Variants in SLC35E1 observed in about 807,000 individuals in gnomAD.
The protein encoded by SLC35E1 is solute carrier family 35 member E1, also known as solute carrier family 35, member E1.
SLC35E1 carries 12 observed loss-of-function variants against 31.0 expected under a neutral mutation model. The observed-to-expected ratio is 0.39, with a 90% CI of 0.25 to 0.63. SLC35E1 has a LOEUF of 0.63. Among genes scored for constraint, SLC35E1 ranks in the 20% least tolerant of loss-of-function variants. SLC35E1 has a pLI of 0.52. For synonymous variants in SLC35E1, 257 were observed against 264.1 expected, an observed-to-expected ratio of 0.97 and a Z score of 0.26; for missense variants, 429 against 572.2, an observed-to-expected ratio of 0.75 and a Z score of 2.55.
chr19:16,568,020 G>A lies in SLC35E1; in HGVS notation c.630+12C>T. On this transcript the variant is annotated intron_variant, in intron 3 of 5. Transcript: ENST00000595753. ...GAAACCCCATGCATGTCCGCTGATG[G>A]TGACCAAATACCTTTTTGGAGAAAA... The A allele has an allele frequency of 6.2e-7, 1 of 1,602,082 alleles. No individual in the cohort carries two copies. The highest frequency in any genetic ancestry group is 8.5e-7 in the Non-Finnish European group (1 of 1,173,348).
chr19:16,565,625 C>A (rs984878641), intron 4 of SLC35E1: 2 of 154,774 alleles, frequency 1.3e-5, no homozygotes, highest in African/African-American at 4.8e-5. Context: ...TCAAGCAATT[C>A]TTCTGCCTCA....
intron 4 of SLC35E1, chr19:16,565,798 G>C: frequency 6.8e-6 from 1 of 147,400 alleles, no homozygotes. Context: ...TTACAGGCGT[G>C]AGCCACTGCG....
chr19:16,566,413 C>T (rs756674963), intron 4 of SLC35E1, 119 bp downstream of exon 4: 15 of 1,394,610 alleles, frequency 1.1e-5, no homozygotes, highest in Non-Finnish European at 1.3e-5. Flanking sequence ...GCTGAAAGCG[C>T]TGGCTGTCAG....
At position 16,568,107 on chromosome 19, in the gene SLC35E1, A is replaced by G. The variant is rs779441196; in HGVS notation, c.555T>C (p.Ser185=). ...CGCTGACGAGTCCCCACATGTCAAA[A>G]GACAACTCGGTGACGGTGGCCAGCA... is the stretch of plus-strand genomic sequence containing the variant. ...GVLLATVTEL[S]FDMWGLVSAL... Residue 185 remains serine (S), a synonymous_variant, in exon 3 of 6, where the codon TCT becomes TCC. Transcript: ENST00000595753. The G allele has an allele frequency of 5.6e-6, 9 of 1,613,864 alleles. No individual in the cohort carries two copies. The African/African-American group carries it at 1.1e-4, about 19-fold the overall frequency.
At chr19:16,556,355 A>G (rs544184389) in intron 4 of SLC35E1, among the ~76,000 whole-genome samples, 1 of 152,102 alleles carries the variant, frequency 6.6e-6, no homozygotes, top group Non-Finnish European at 1.5e-5. Flanking sequence ...AAAAAAAAAA[A>G]AAAATTAGCC....
chr19:16,571,815 C>A, intron 1 of SLC35E1, 129 bp downstream of exon 1: 1 of 1,079,268 alleles, frequency 9.3e-7, no homozygotes, highest in East Asian at 2.6e-5. Context: ...CCCTACCAAA[C>A]CCTTGGCAGC....
chr19:16,553,990 T>G, intron 5 of SLC35E1, 81 bp from the exon 6 acceptor site: 4 of 1,291,474 alleles, frequency 3.1e-6, no homozygotes, highest in Non-Finnish European at 3.1e-6. Context: ...ACTGGCTGGC[T>G]GCGGTGGCTC....
chr19:16,570,344 TA>T (rs932722022), intron 2 of SLC35E1, among the ~76,000 whole-genome samples: 2 of 151,256 alleles, frequency 1.3e-5, no homozygotes, highest in Admixed American at 1.3e-4. Flanking sequence ...CAGGCAGGAA[TA>T]AAAAAAAATC....
intron 4 of SLC35E1, among the ~76,000 whole-genome samples, chr19:16,556,498 G>C (rs1017254111): frequency 1.3e-5 from 2 of 152,076 alleles, no homozygotes; most frequent in Non-Finnish European, 2.9e-5. Context: ...GACAGTGTAA[G>C]ACACTGTTTC....
intron 2 of SLC35E1, among the ~76,000 whole-genome samples, chr19:16,571,227 G>A (rs1366066680): frequency 6.6e-6 from 1 of 152,132 alleles, no homozygotes; most frequent in Non-Finnish European, 1.5e-5. Context: ...AGCAAACCCA[G>A]GTAGGGAATC....
At chr19:16,560,652 A>G (rs2085900014) in intron 4 of SLC35E1, among the ~76,000 whole-genome samples, 3 of 152,082 alleles carry the variant, frequency 2.0e-5, no homozygotes, top group Non-Finnish European at 2.9e-5. Flanking sequence ...ATCTGAGGTC[A>G]GGAGTTCGAG....
chr19:16,562,864 A>G (rs1487019745), intron 4 of SLC35E1, among the ~76,000 whole-genome samples: 2 of 152,102 alleles, frequency 1.3e-5, no homozygotes, highest in Non-Finnish European at 2.9e-5. Context: ...ATGTGCCACC[A>G]TGCCGGGTTA....
In SLC35E1 at chr19:16,572,407, A is replaced by T. The variant is rs2085965859; in HGVS notation, c.-43T>A. 1 of 979,822 alleles carries T rather than the reference A, an allele frequency of 1.0e-6. No individual in the cohort carries two copies. Among genetic ancestry groups the T allele is most frequent in the African/African-American group, 1.8e-5 (1 of 56,562 alleles). 60.7% of individuals were successfully genotyped at this position (979,822 alleles called of 1,614,324 possible). A position where few individuals can be genotyped will look rare whatever the true frequency, so the allele number is the denominator to read the frequency against. On this transcript the variant is annotated 5_prime_UTR_variant, in exon 1 of 6. Coordinates refer to ENST00000595753, the MANE Select transcript of SLC35E1 (RefSeq NM_024881.5). This position sits in a 1 kb window ranked among gnomAD's most constrained non-coding sequence, Gnocchi z 4.1. ...CCCTTCCAGCCCGTCCGACGGCCCG[A>T]CGCCGGGCGGGGGCGGGGCTGGGCG...
chr19:16,563,389 G>A (rs1021986386), intron 4 of SLC35E1, among the ~76,000 whole-genome samples: 3 of 152,140 alleles, frequency 2.0e-5, no homozygotes, highest in South Asian at 2.1e-4. Flanking sequence ...AAGGACAGAG[G>A]GTGATTATAC....
intron 4 of SLC35E1, among the ~76,000 whole-genome samples, chr19:16,563,815 G>T (rs2085918858): frequency 6.6e-6 from 1 of 152,196 alleles, no homozygotes; most frequent in Admixed American, 6.5e-5. Flanking sequence ...CAGCACTCCA[G>T]TTGCAATTGT....
chr19:16,553,803 T>C lies in SLC35E1; in HGVS notation c.1109A>G (p.Asn370Ser). The change falls in exon 6 of 6, where the codon AAC (asparagine) becomes AGC (serine). Residue 370 changes from asparagine to serine, a missense_variant. Physicochemically the swap from Asn to Ser is conservative, Grantham distance 46. Transcript: ENST00000595753. The part of the protein sequence containing the change: ...RHRSPLEKPH[N>S]GLLFPQHGDY... ...CCCGTGCTGGGGGAAGAGGAGGCCGTTGTGGGGCTTCTCCAGTGGGCTCCG... is the reference window on the plus strand; with the variant it reads ...CCCGTGCTGGGGGAAGAGGAGGCCGCTGTGGGGCTTCTCCAGTGGGCTCCG... 1.2e-6 allele frequency: 2 copies of C among 1,613,938 alleles called. No individual in the cohort carries two copies. The highest frequency in any genetic ancestry group is 1.7e-6 in the Non-Finnish European group (2 of 1,179,938).
intron 4 of SLC35E1, chr19:16,556,885 A>G (rs1348577137): frequency 2.1e-6 from 1 of 471,382 alleles, no homozygotes; most frequent in East Asian, 6.9e-5. Context: ...AATGTCAACC[A>G]ACTCAAGACT....
intron 2 of SLC35E1, 109 bp from the exon 3 acceptor site, chr19:16,568,278 C>A: frequency 5.9e-6 from 8 of 1,367,234 alleles, no homozygotes; most frequent in Non-Finnish European, 7.8e-6. Context: ...AGGGATACCA[C>A]CTAACACTTT....
Position 16,553,918 on chromosome 19 carries a change from G to GA in SLC35E1, c.1003-10dup. The GA allele has an allele frequency of 6.3e-7, 1 of 1,584,044 alleles. No individual in the cohort carries two copies. The highest frequency in any genetic ancestry group is 8.6e-7 in the Non-Finnish European group (1 of 1,162,474). On this transcript the variant is annotated splice_polypyrimidine_tract_variant and intron_variant, in intron 5 of 5. Transcript: ENST00000595753. ...TTTGCATCGTACTTGGTCTGTGCCA[G>GA]AAAGAGAGCAATGAGACAGGACATG...
Sources: gnomAD v4.1 joint callset for allele counts (sites outside exome capture counted in the v4.1 genomes callset) on GRCh38, gnomAD v4.1.1 for gene constraint, Gnocchi (gnomAD v3.1) non-coding constraint, MANE v1.5 for transcripts, NCBI Gene and HGNC (gene_info 2026-07-23, HGNC 2026-07-21) for gene names.